GNAQ: variants seen among roughly 807,000 people sequenced by gnomAD.
GNAQ encodes G protein subunit alpha q.
GNAQ carries 8 observed loss-of-function variants against 43.9 expected under a neutral mutation model. The ratio of observed to expected loss-of-function variants is 0.18; its 90% CI spans 0.11 to 0.33. The LOEUF is 0.33. Among genes scored for constraint, GNAQ ranks in the 10% least tolerant of loss-of-function variants. The probability of loss-of-function intolerance (pLI) is 1.00; values close to 1 mark genes in which losing one functional copy is unlikely to be tolerated. For synonymous variants in GNAQ, 155 were observed against 170.7 expected (o/e 0.91, Z 0.71); for missense variants, 158 against 450.8 (o/e 0.35, Z 5.88).
At chr9:77,749,609 G>C (rs771069564) in intron 5 of GNAQ, among the ~76,000 whole-genome samples, 1 of 152,112 alleles carries the variant, frequency 6.6e-6, no homozygotes, top group Non-Finnish European at 1.5e-5. Context: ...CAGGACAATA[G>C]GTGAAGGGTT....
At chr9:77,850,010 T>C (rs1409189643) in intron 2 of GNAQ, among the ~76,000 whole-genome samples, 2 of 152,196 alleles carry the variant, frequency 1.3e-5, no homozygotes. Context: ...GATTTTCTGA[T>C]ACTACTTTCT....
intron 2 of GNAQ, among the ~76,000 whole-genome samples, chr9:77,898,059 TTA>T (rs1828532325): frequency 6.6e-6 from 1 of 152,088 alleles, no homozygotes; most frequent in Admixed American, 6.5e-5. Flanking sequence ...TCATATACCC[TTA>T]GTCTATGGAA....
intron 1 of GNAQ, among the ~76,000 whole-genome samples, chr9:78,020,621 G>C (rs1823897208): frequency 1.3e-5 from 2 of 152,122 alleles, no homozygotes; most frequent in African/African-American, 4.8e-5. Context: ...CATTGGTCTG[G>C]CTCTTCCTGA....
chr9:77,831,591 T>C (rs1304530419), intron 2 of GNAQ, among the ~76,000 whole-genome samples: 1 of 152,230 alleles, frequency 6.6e-6, no homozygotes, highest in Non-Finnish European at 1.5e-5. Flanking sequence ...CCAGATGACA[T>C]ACGCTTTCAA....
chr9:77,837,844 T>TA (rs887987005), intron 2 of GNAQ, among the ~76,000 whole-genome samples: 6 of 121,760 alleles, frequency 4.9e-5, no homozygotes, highest in Non-Finnish European at 9.7e-5. Context: ...CTGAGTGATT[T>TA]AAATTTTTTT....
chr9:77,791,175 G>C (rs535500051), intron 5 of GNAQ, among the ~76,000 whole-genome samples: 1 of 152,150 alleles, frequency 6.6e-6, no homozygotes, highest in Non-Finnish European at 1.5e-5. Flanking sequence ...GGAGAAAAAG[G>C]TCTCAGTCTT....
At chr9:77,724,227 G>C (rs1825363141) in intron 6 of GNAQ, among the ~76,000 whole-genome samples, 1 of 151,756 alleles carries the variant, frequency 6.6e-6, no homozygotes, top group Non-Finnish European at 1.5e-5. Context: ...GTTTCACTGT[G>C]TTGCCCAGGC....
intron 3 of GNAQ, among the ~76,000 whole-genome samples, chr9:77,798,570 G>A (rs760492913): frequency 3.9e-5 from 6 of 152,064 alleles, no homozygotes; most frequent in Non-Finnish European, 8.8e-5. Flanking sequence ...CAGTATCTGT[G>A]AGCGACTGGA....
chr9:77,815,557 A>T, intron 3 of GNAQ, 59 bp downstream of exon 3: 3 of 1,098,878 alleles, frequency 2.7e-6, no homozygotes, highest in Non-Finnish European at 4.1e-6. Context: ...TGATAATCAT[A>T]AAACCTCCAC....
At chr9:78,013,563 G>C (rs947875361) in intron 1 of GNAQ, among the ~76,000 whole-genome samples, 5 of 150,228 alleles carry the variant, frequency 3.3e-5, no homozygotes, top group African/African-American at 9.8e-5. Context: ...TATATCCAAT[G>C]TTGCCTCTGA....
chr9:77,797,046 T>C (rs1056203848), intron 4 of GNAQ, among the ~76,000 whole-genome samples: 3 of 152,180 alleles, frequency 2.0e-5, no homozygotes, highest in Non-Finnish European at 4.4e-5. Flanking sequence ...CTTTTGTTTT[T>C]TTTTGAGATG....
chr9:77,812,534 T>A (rs1188079374), intron 3 of GNAQ, among the ~76,000 whole-genome samples: 1 of 152,188 alleles, frequency 6.6e-6, no homozygotes, highest in African/African-American at 2.4e-5. Flanking sequence ...ATCTCTTGAA[T>A]GTGCCAGTGA....
chr9:77,910,118 A>G (rs1256044346), intron 2 of GNAQ, among the ~76,000 whole-genome samples: 1 of 152,200 alleles, frequency 6.6e-6, no homozygotes, highest in Non-Finnish European at 1.5e-5. Flanking sequence ...GTTTTGATAC[A>G]TGCTATTAAA....
At chr9:77,742,483 A>G (rs1473713396) in intron 5 of GNAQ, among the ~76,000 whole-genome samples, 2 of 152,208 alleles carry the variant, frequency 1.3e-5, no homozygotes, top group East Asian at 3.8e-4. Flanking sequence ...CTCTTTTAAG[A>G]AAAGTTTGCA....
chr9:77,904,325 T>A (rs1336881553), intron 2 of GNAQ, among the ~76,000 whole-genome samples: 16 of 29,828 alleles, frequency 5.4e-4, no homozygotes, highest in Non-Finnish European at 6.5e-4. Flanking sequence ...GGCTTTTTTT[T>A]TTTTTTTTTT....
chr9:78,024,281 C>T (rs1202796962), intron 1 of GNAQ, among the ~76,000 whole-genome samples: 1 of 152,068 alleles, frequency 6.6e-6, no homozygotes, highest in Non-Finnish European at 1.5e-5. Context: ...TTTCACTGTG[C>T]GCCCGGTGGC....
intron 5 of GNAQ, among the ~76,000 whole-genome samples, chr9:77,776,118 G>C (rs1020843969): frequency 2.6e-5 from 4 of 152,154 alleles, no homozygotes; most frequent in Non-Finnish European, 5.9e-5. Flanking sequence ...AAGAAAAACA[G>C]CTGAATCTAG....
chr9:77,810,160 C>T (rs1826893639), intron 3 of GNAQ, among the ~76,000 whole-genome samples: 1 of 152,090 alleles, frequency 6.6e-6, no homozygotes, highest in Non-Finnish European at 1.5e-5. Flanking sequence ...TCTACTGATT[C>T]ATCTATCTAC....
At chr9:77,787,803 G>T (rs756095219) in intron 5 of GNAQ, among the ~76,000 whole-genome samples, 1 of 152,230 alleles carries the variant, frequency 6.6e-6, no homozygotes, top group Non-Finnish European at 1.5e-5. Flanking sequence ...GCCGAGGCAG[G>T]TGGATGACCT....
Sources: allele counts gnomAD v4.1 joint callset (sites outside exome capture counted in the v4.1 genomes callset), GRCh38; gene constraint gnomAD v4.1.1; transcripts MANE v1.5; gene names NCBI Gene and HGNC (gene_info 2026-07-23, HGNC 2026-07-21).